Variants in LIMCH1 observed in about 807,000 individuals in gnomAD.
The protein encoded by LIMCH1 is LIM and calponin homology domains 1.
In LIMCH1, 113 loss-of-function variants were observed where a neutral mutation model predicts 176.5. That is an observed-to-expected ratio of 0.64 (90% CI 0.55 to 0.75). LIMCH1 has a LOEUF of 0.75. Among genes scored for constraint, LIMCH1 ranks in the 30% least tolerant of loss-of-function variants. The pLI is 0.00. For synonymous variants in LIMCH1, 619 were observed against 645.9 expected, an observed-to-expected ratio of 0.96 and a Z score of 0.63; for missense variants, 1,674 against 1,814.9, an observed-to-expected ratio of 0.92 and a Z score of 1.41.
intron 1 of LIMCH1, among the ~76,000 whole-genome samples, chr4:41,555,933 CAGGG>C (rs1561736942): frequency 2.0e-5 from 3 of 152,092 alleles, no homozygotes; most frequent in Middle Eastern, 3.4e-3. Context: ...TTTGTAGAGA[CAGGG>C]TTTCACTGTA....
chr4:41,598,202 G>A (rs1166735854), intron 1 of LIMCH1, among the ~76,000 whole-genome samples: 1 of 152,136 alleles, frequency 6.6e-6, no homozygotes, highest in African/African-American at 2.4e-5. Context: ...CCTTTCAGAA[G>A]CATTTGTTTG....
At chr4:41,635,823 A>C (rs1585138876) in intron 13 of LIMCH1, among the ~76,000 whole-genome samples, 1 of 152,232 alleles carries the variant, frequency 6.6e-6, no homozygotes, top group East Asian at 1.9e-4. Context: ...TGATTCTGAA[A>C]TGCTTTATTA....
At chr4:41,526,447 G>A (rs1193780658) in intron 3 of LIMCH1, among the ~76,000 whole-genome samples, 1 of 151,952 alleles carries the variant, frequency 6.6e-6, no homozygotes, top group East Asian at 1.9e-4. Context: ...CTTTTCCTTT[G>A]CTCCAGTTGC....
intron 1 of LIMCH1, among the ~76,000 whole-genome samples, chr4:41,489,500 C>G (rs2070338226): frequency 6.6e-6 from 1 of 152,070 alleles, no homozygotes; most frequent in South Asian, 2.1e-4. Flanking sequence ...TCTTTCACTA[C>G]AAAATACATT....
At chr4:41,670,641 T>A in intron 21 of LIMCH1, 1 of 1,076,652 alleles carries the variant, frequency 9.3e-7, no homozygotes, top group Non-Finnish European at 1.3e-6. Flanking sequence ...CCTATAGTAC[T>A]TGGGAGCATG....
At chr4:41,682,193 T>TA in intron 25 of LIMCH1, 140 bp from the exon 26 acceptor site, 1 of 541,652 alleles carries the variant, frequency 1.8e-6, no homozygotes, top group Non-Finnish European at 3.2e-6. Context: ...AATCAGTTGC[T>TA]ATTCAGTTAA....
At chr4:41,431,448 A>G (rs2061601116) in intron 1 of LIMCH1, among the ~76,000 whole-genome samples, 1 of 152,226 alleles carries the variant, frequency 6.6e-6, no homozygotes, top group East Asian at 1.9e-4. Context: ...TATGGTTTAT[A>G]TAAAATGCCA....
rs139068043 is a variant in LIMCH1, at chr4:41,691,959, C to T, written c.4276-323C>T. Among the ~76,000 whole-genome samples the T allele has an allele frequency of 4.6e-5, 7 of 152,248 alleles. No individual in the cohort carries two copies. The East Asian group carries it at 9.6e-4, about 21-fold the overall frequency. On this transcript the variant is annotated intron_variant, in intron 30 of 31. Transcript: ENST00000503057. ...TGGTTCTTCCATTTTGATTGAGAAA[C>T]GGTGTATGATAGAGGTTAAGACGCT...
Position 41,627,019 on chromosome 4 carries a change from GGTGTGT to G in LIMCH1, c.1028+38_1028+43del, listed in dbSNP as rs34266308. 4.5e-4 allele frequency: 636 copies of G among 1,407,042 alleles called. No homozygotes were observed. The highest frequency in any genetic ancestry group is 1.2e-3 in the African/African-American group (70 of 60,366). The allele number at this position is 1,407,042 out of a possible 1,614,324, so 87.2% of individuals were successfully genotyped here. On this transcript the variant is annotated intron_variant, in intron 8 of 31. Transcript: ENST00000503057. The stretch of plus-strand genomic sequence containing the variant: ...AGTCTAGAATATAAAAGGTGTGCAT[GGTGTGT>G]GTGTGTGTGTGTGTGTGTGTGTGTG...
At chr4:41,693,296 C>G (rs1274194000) in intron 31 of LIMCH1, 1 of 152,216 alleles carries the variant, frequency 6.6e-6, no homozygotes, top group Non-Finnish European at 1.5e-5. Context: ...TGCCTTTTTA[C>G]ATGGATCTCA....
At chr4:41,495,150 T>G (rs1329909409) in intron 2 of LIMCH1, among the ~76,000 whole-genome samples, 1 of 152,248 alleles carries the variant, frequency 6.6e-6, no homozygotes, top group Non-Finnish European at 1.5e-5. Flanking sequence ...TCAGGGCTCC[T>G]GTGAAGTAGC....
intron 23 of LIMCH1, among the ~76,000 whole-genome samples, chr4:41,676,991 C>T (rs908717258): frequency 7.2e-5 from 11 of 151,922 alleles, no homozygotes; most frequent in African/African-American, 1.9e-4. Context: ...GACGAAACCC[C>T]GTCTCTACCA....
At chr4:41,576,888 G>T (rs2084566478) in intron 1 of LIMCH1, among the ~76,000 whole-genome samples, 1 of 152,148 alleles carries the variant, frequency 6.6e-6, no homozygotes, top group Non-Finnish European at 1.5e-5. Context: ...CATATAAGGA[G>T]ATTCATAAGC....
chr4:41,431,579 T>A (rs917335940), intron 1 of LIMCH1, among the ~76,000 whole-genome samples: 1 of 152,224 alleles, frequency 6.6e-6, no homozygotes, highest in African/African-American at 2.4e-5. Flanking sequence ...GTAAAAGGCA[T>A]CTAGCTGAAT....
intron 1 of LIMCH1, among the ~76,000 whole-genome samples, chr4:41,429,218 G>T (rs1344079661): frequency 1.3e-5 from 2 of 152,084 alleles, no homozygotes; most frequent in African/African-American, 4.8e-5. Context: ...TTTTTGGTTT[G>T]CTTTATTCTC....
chr4:41,361,741 C>T (rs1441946847), intron 1 of LIMCH1, among the ~76,000 whole-genome samples: 1 of 152,218 alleles, frequency 6.6e-6, no homozygotes, highest in African/African-American at 2.4e-5. Context: ...CGATGTCTAT[C>T]AGTAGATGCA....
At chr4:41,567,301 A>G (rs550023142) in intron 1 of LIMCH1, among the ~76,000 whole-genome samples, 1 of 152,274 alleles carries the variant, frequency 6.6e-6, no homozygotes, top group South Asian at 2.1e-4. Flanking sequence ...TGTTTTTAAG[A>G]TTAATGAGAT....
At chr4:41,405,252 G>A (rs935585599) in intron 1 of LIMCH1, among the ~76,000 whole-genome samples, 2 of 152,074 alleles carry the variant, frequency 1.3e-5, no homozygotes, top group African/African-American at 2.4e-5. Flanking sequence ...CAGTCTATTA[G>A]CATTTTAATC....
At chr4:41,400,364 A>G (rs928987766) in intron 1 of LIMCH1, among the ~76,000 whole-genome samples, 1 of 152,026 alleles carries the variant, frequency 6.6e-6, no homozygotes, top group Non-Finnish European at 1.5e-5. Context: ...AAAATGCATA[A>G]TTTTCTCTGT....
Sources: gnomAD v4.1 joint callset for allele counts (sites outside exome capture counted in the v4.1 genomes callset) on GRCh38, gnomAD v4.1.1 for gene constraint, MANE v1.5 for transcripts, NCBI Gene and HGNC (gene_info 2026-07-23, HGNC 2026-07-21) for gene names.